The following NLK variants were observed in gnomAD, a reference collection of about 807,000 sequenced individuals.
The protein encoded by NLK is serine/threonine-protein kinase NLK.
NLK carries 11 observed loss-of-function variants against 59.0 expected under a neutral mutation model. The ratio of observed to expected loss-of-function variants is 0.19; its 90% CI spans 0.12 to 0.31. NLK has a LOEUF of 0.31. Among genes scored for constraint, NLK ranks in the 10% least tolerant of loss-of-function variants. The pLI is 1.00. For synonymous variants in NLK, 235 were observed against 235.9 expected, an observed-to-expected ratio of 1.00 and a Z score of 0.03; for missense variants, 410 against 661.1, an observed-to-expected ratio of 0.62 and a Z score of 4.16.
chr17:28,192,903 G>A (rs1359888742), intron 10 of NLK, among the ~76,000 whole-genome samples: 1 of 152,068 alleles, frequency 6.6e-6, no homozygotes, highest in Non-Finnish European at 1.5e-5. Context: ...TAATTTTTTT[G>A]TGTGTAGGTG....
rs190442823 is a variant in NLK at position 28,139,204 on chromosome 17, G to A, written c.644+6529G>A. 2.8e-4 allele frequency among the ~76,000 whole-genome samples: 43 copies of A among 152,162 alleles called. 1 individual carries two copies. The highest frequency in any genetic ancestry group is 1.8e-3 in the Admixed American group (28 of 15,282). Reference sequence around the variant, plus strand: ...CCAGGAGGTGAAGATTGCAGTGATCGTGCCACTGCACTTCAGCCTGGGTGA... The same window carrying A: ...CCAGGAGGTGAAGATTGCAGTGATCATGCCACTGCACTTCAGCCTGGGTGA... On this transcript the variant is annotated intron_variant, in intron 3 of 10. Transcript: ENST00000407008.
At position 28,109,385 on chromosome 17, in the gene NLK, G is replaced by A. The variant is rs76483616; in HGVS notation, c.459-13218G>A. 6.5e-3 allele frequency among the ~76,000 whole-genome samples: 996 copies of A among 152,110 alleles called. 16 individuals are homozygous for A. The highest frequency in any genetic ancestry group is 0.022 in the African/African-American group (929 of 41,486). On this transcript the variant is annotated intron_variant, in intron 1 of 10. Coordinates refer to ENST00000407008, the MANE Select transcript of NLK (RefSeq NM_016231.5). ...TTTTTGTTCTAACAACTTTATTGAG[G>A]CATAATTTATATACCATCAAATTTA...
intron 1 of NLK, among the ~76,000 whole-genome samples, chr17:28,111,002 G>A (rs4795317): frequency 4.6e-5 from 7 of 151,182 alleles, no homozygotes; most frequent in Non-Finnish European, 7.4e-5. Flanking sequence ...CCGCCACTAC[G>A]CCCGGCTAAT....
At chr17:28,149,918 A>G (rs1907412197) in intron 3 of NLK, among the ~76,000 whole-genome samples, 1 of 152,212 alleles carries the variant, frequency 6.6e-6, no homozygotes, top group Non-Finnish European at 1.5e-5. Flanking sequence ...AAGGAATACT[A>G]CATTATGTAA....
At chr17:28,120,705 A>G (rs1906008318) in intron 1 of NLK, among the ~76,000 whole-genome samples, 1 of 152,178 alleles carries the variant, frequency 6.6e-6, no homozygotes, top group African/African-American at 2.4e-5. Flanking sequence ...AAATACTAGA[A>G]TACTCAGTAG....
chr17:28,170,222 G>A (rs1908408148), intron 6 of NLK, among the ~76,000 whole-genome samples: 1 of 152,164 alleles, frequency 6.6e-6, no homozygotes, highest in Admixed American at 6.5e-5. Context: ...AAAGAACCTG[G>A]CCATGGTGAC....
At chr17:28,130,496 C>A (rs1165880832) in intron 2 of NLK, among the ~76,000 whole-genome samples, 1 of 152,154 alleles carries the variant, frequency 6.6e-6, no homozygotes, top group Non-Finnish European at 1.5e-5. Context: ...TGCTGTAGTG[C>A]AAATGTCTAT....
chr17:28,109,686 AGTTT>A (rs751638705), intron 1 of NLK, among the ~76,000 whole-genome samples: 54 of 152,296 alleles, frequency 3.5e-4, no homozygotes, highest in Non-Finnish European at 6.3e-4. Context: ...AATAAATAAT[AGTTT>A]GTTCTGTTGT....
intron 3 of NLK, among the ~76,000 whole-genome samples, chr17:28,140,686 C>A (rs1019335420): frequency 1.3e-5 from 2 of 151,570 alleles, no homozygotes; most frequent in African/African-American, 4.9e-5. Flanking sequence ...AGACAGTTTT[C>A]AAATAATTAT....
chr17:28,056,329 A>C (rs1458464903), intron 1 of NLK, among the ~76,000 whole-genome samples: 2 of 152,182 alleles, frequency 1.3e-5, no homozygotes, highest in African/African-American at 2.4e-5. Context: ...TAGCTGCCTC[A>C]TTTTATAAGT....
chr17:28,178,429 T>A (rs1908768331), intron 7 of NLK, among the ~76,000 whole-genome samples: 1 of 152,194 alleles, frequency 6.6e-6, no homozygotes, highest in Non-Finnish European at 1.5e-5. Context: ...TCAAGTTTAT[T>A]ATCTCTTTTC....
chr17:28,158,929 G>T (rs1043575538), intron 3 of NLK, among the ~76,000 whole-genome samples: 9 of 152,182 alleles, frequency 5.9e-5, no homozygotes, highest in African/African-American at 1.7e-4. Context: ...GGAATTTTCA[G>T]CACTGTTACA....
chr17:28,057,494 A>C (rs1248983131), intron 1 of NLK, among the ~76,000 whole-genome samples: 1 of 152,198 alleles, frequency 6.6e-6, no homozygotes, highest in East Asian at 1.9e-4. Flanking sequence ...CAAATGTGTA[A>C]ATCAAACATG....
intron 5 of NLK, among the ~76,000 whole-genome samples, chr17:28,165,081 A>G (rs1193082857): frequency 2.0e-5 from 3 of 152,078 alleles, no homozygotes; most frequent in African/African-American, 4.8e-5. Flanking sequence ...AAAATCTACT[A>G]AAGTATTCCT....
intron 4 of NLK, 59 bp downstream of exon 4, chr17:28,161,325 C>T (rs1328287884): frequency 1.1e-6 from 1 of 903,778 alleles, no homozygotes; most frequent in Admixed American, 1.9e-5. Flanking sequence ...TGTTTTGCTT[C>T]TCATTTAGAC....
At chr17:28,072,255 A>G (rs936551786) in intron 1 of NLK, among the ~76,000 whole-genome samples, 1 of 151,608 alleles carries the variant, frequency 6.6e-6, no homozygotes, top group Non-Finnish European at 1.5e-5. Flanking sequence ...ATCTAGTCTG[A>G]CAATCTTTTA....
chr17:28,137,315 C>T (rs1248173835), intron 3 of NLK, among the ~76,000 whole-genome samples: 4 of 152,112 alleles, frequency 2.6e-5, no homozygotes, highest in African/African-American at 9.7e-5. Flanking sequence ...CGTTATACAT[C>T]TAATGGGTTC....
chr17:28,122,410 GACCAAA>G (rs1476676617), intron 1 of NLK, among the ~76,000 whole-genome samples, 187 bp from the exon 2 acceptor site: 1 of 151,792 alleles, frequency 6.6e-6, no homozygotes, highest in Non-Finnish European at 1.5e-5. Flanking sequence ...TGAGTTGGGT[GACCAAA>G]CATTCTCTTT....
At chr17:28,105,754 C>G (rs1905057351) in intron 1 of NLK, among the ~76,000 whole-genome samples, 1 of 152,174 alleles carries the variant, frequency 6.6e-6, no homozygotes, top group Non-Finnish European at 1.5e-5. Context: ...TTGCTAGCAG[C>G]TTTTGAGCCT....
Sources: allele counts gnomAD v4.1 joint callset (sites outside exome capture counted in the v4.1 genomes callset), GRCh38; gene constraint gnomAD v4.1.1; transcripts MANE v1.5; gene names NCBI Gene and HGNC (gene_info 2026-07-23, HGNC 2026-07-21).